The following EXOC6B variants were observed in gnomAD, a reference collection of about 807,000 sequenced individuals.
EXOC6B encodes the protein SEC15 homolog B.
A neutral mutation model predicts 113.5 loss-of-function variants in EXOC6B; 54 were observed. The ratio of observed to expected loss-of-function variants is 0.48; its 90% CI spans 0.38 to 0.60. EXOC6B has a LOEUF of 0.60. Ranked by LOEUF, EXOC6B falls within the 20% of genes least tolerant of loss-of-function variation. The pLI is 0.00. For missense variants in EXOC6B, 797 were observed against 977.5 expected, an observed-to-expected ratio of 0.82 and a Z score of 2.46; for synonymous variants, 357 against 339.0, an observed-to-expected ratio of 1.05 and a Z score of -0.58.
At chr2:72,239,931 C>T (rs1682198685) in intron 20 of EXOC6B, among the ~76,000 whole-genome samples, 1 of 151,560 alleles carries the variant, frequency 6.6e-6, no homozygotes, top group Non-Finnish European at 1.5e-5. Context: ...GTGAAGTTTT[C>T]TTCATTTCAT....
At position 72,529,426 on chromosome 2, in the gene EXOC6B, C is replaced by A. The variant is rs181279076; in HGVS notation, c.916-14300G>T. Among the ~76,000 whole-genome samples, 10 of 152,082 alleles carry A rather than the reference C, an allele frequency of 6.6e-5. No homozygotes were observed. The East Asian group carries it at 1.9e-3, about 29-fold the overall frequency. ...ACAAGGAATATTAATCTGTAGTTTCCTTTTCTATATTAATTTTACCTGGCT... is the reference window on the plus strand; with the variant it reads ...ACAAGGAATATTAATCTGTAGTTTCATTTTCTATATTAATTTTACCTGGCT... On this transcript the variant is annotated intron_variant, in intron 8 of 21. Transcript: ENST00000272427.
chr2:72,614,412 TATATGG>T (rs796820307), intron 6 of EXOC6B, among the ~76,000 whole-genome samples: 298 of 152,232 alleles, frequency 2.0e-3, no homozygotes, highest in African/African-American at 6.9e-3. Context: ...GAACAGCCTG[TATATGG>T]ATCTGGAGCT....
chr2:72,232,311 T>C (rs971594237), intron 20 of EXOC6B, among the ~76,000 whole-genome samples: 3 of 152,268 alleles, frequency 2.0e-5, no homozygotes, highest in South Asian at 2.1e-4. Context: ...AAACTGAGAA[T>C]ATTTAATACC....
rs1677853805 is a variant in EXOC6B, at chr2:72,178,194, A to G, written c.*1141T>C. Reference sequence around the variant, plus strand: ...GTTGGGCCAGAGGCAACAAGCCACAAGCCATGGTTGGCTCTGTCGACTTTA... The same window carrying G: ...GTTGGGCCAGAGGCAACAAGCCACAGGCCATGGTTGGCTCTGTCGACTTTA... On this transcript the variant is annotated 3_prime_UTR_variant, in exon 22 of 22. Coordinates refer to ENST00000272427, the MANE Select transcript of EXOC6B (RefSeq NM_015189.3). The G allele has an allele frequency of 6.6e-6, 1 of 152,230 alleles. No individual in the cohort carries two copies. The highest frequency in any genetic ancestry group is 2.1e-4 in the South Asian group (1 of 4,828). 9.4% of individuals were successfully genotyped at this position (152,230 alleles called of 1,614,324 possible).
At chr2:72,431,053 T>G (rs1695489535) in intron 18 of EXOC6B, among the ~76,000 whole-genome samples, 1 of 152,186 alleles carries the variant, frequency 6.6e-6, no homozygotes, top group Non-Finnish European at 1.5e-5. Flanking sequence ...GGGGGTTGCA[T>G]GTTATTATTA....
intron 1 of EXOC6B, among the ~76,000 whole-genome samples, chr2:72,745,385 T>C (rs1009875371): frequency 6.6e-6 from 1 of 152,134 alleles, no homozygotes; most frequent in Non-Finnish European, 1.5e-5. Context: ...ATGATTGTAA[T>C]ATTCTCTTTA....
intron 20 of EXOC6B, among the ~76,000 whole-genome samples, chr2:72,330,920 A>G (rs1480210136): frequency 1.3e-5 from 2 of 152,098 alleles, no homozygotes; most frequent in Non-Finnish European, 2.9e-5. Flanking sequence ...GAGATCACAG[A>G]GAGTAGAAAA....
intron 16 of EXOC6B, 82 bp downstream of exon 16, chr2:72,492,236 T>C (rs1258920530): frequency 1.5e-6 from 1 of 657,976 alleles, no homozygotes; most frequent in African/African-American, 1.8e-5. Context: ...TAGAAAGTTT[T>C]AACGAATTCA....
intron 18 of EXOC6B, among the ~76,000 whole-genome samples, chr2:72,388,583 A>C (rs1326986186): frequency 6.6e-6 from 1 of 152,140 alleles, no homozygotes; most frequent in African/African-American, 2.4e-5. Context: ...ATTGTTGTTC[A>C]AGTCTTCTAT....
At chr2:72,631,133 G>A (rs908096535) in intron 6 of EXOC6B, among the ~76,000 whole-genome samples, 4 of 151,860 alleles carry the variant, frequency 2.6e-5, no homozygotes, top group Non-Finnish European at 4.4e-5. Context: ...CACAGTTAAC[G>A]CTCACTGATA....
At chr2:72,395,209 T>C (rs1692645021) in intron 18 of EXOC6B, among the ~76,000 whole-genome samples, 1 of 152,164 alleles carries the variant, frequency 6.6e-6, no homozygotes, top group Non-Finnish European at 1.5e-5. Flanking sequence ...ATTCAAGACC[T>C]TTACAAACCT....
At chr2:72,501,352 T>C (rs1460895774) in intron 11 of EXOC6B, among the ~76,000 whole-genome samples, 4 of 152,092 alleles carry the variant, frequency 2.6e-5, no homozygotes, top group Non-Finnish European at 4.4e-5. Flanking sequence ...TCTCTCACAA[T>C]GTGACACACT....
intron 6 of EXOC6B, among the ~76,000 whole-genome samples, chr2:72,635,605 T>C (rs1416206052): frequency 6.6e-6 from 1 of 152,194 alleles, no homozygotes; most frequent in Non-Finnish European, 1.5e-5. Context: ...GCATATGGTT[T>C]CAATAGAGAA....
At chr2:72,325,912 T>G (rs1213185989) in intron 20 of EXOC6B, among the ~76,000 whole-genome samples, 1 of 152,062 alleles carries the variant, frequency 6.6e-6, no homozygotes, top group Non-Finnish European at 1.5e-5. Context: ...CAGGGATCCA[T>G]GCTTGTAACT....
intron 1 of EXOC6B, among the ~76,000 whole-genome samples, chr2:72,756,284 T>C (rs1682409018): frequency 6.6e-6 from 1 of 152,194 alleles, no homozygotes; most frequent in Non-Finnish European, 1.5e-5. Flanking sequence ...TTCATTACTT[T>C]ATTTTGGCCT....
intron 1 of EXOC6B, among the ~76,000 whole-genome samples, chr2:72,820,262 A>C (rs1236157691): frequency 6.6e-6 from 1 of 152,210 alleles, no homozygotes; most frequent in African/African-American, 2.4e-5. Context: ...TAATAATAAA[A>C]TATATAAGGC....
At chr2:72,715,754 T>C (rs1268472785) in intron 6 of EXOC6B, among the ~76,000 whole-genome samples, 2 of 152,002 alleles carry the variant, frequency 1.3e-5, no homozygotes, top group Non-Finnish European at 2.9e-5. Context: ...ATATTGGGGG[T>C]GGGAGGAGAC....
intron 8 of EXOC6B, among the ~76,000 whole-genome samples, chr2:72,552,301 C>T (rs766992687): frequency 1.3e-5 from 2 of 152,154 alleles, no homozygotes; most frequent in Non-Finnish European, 2.9e-5. Flanking sequence ...TTAATTACAA[C>T]TGTGAACTCC....
chr2:72,693,192 A>G (rs1349874855), intron 6 of EXOC6B, among the ~76,000 whole-genome samples: 2 of 152,210 alleles, frequency 1.3e-5, no homozygotes, highest in Non-Finnish European at 2.9e-5. Flanking sequence ...TTAACAAAAA[A>G]ATATAACACA....
Sources: gnomAD v4.1 joint callset for allele counts (sites outside exome capture counted in the v4.1 genomes callset) on GRCh38, gnomAD v4.1.1 for gene constraint, MANE v1.5 for transcripts, NCBI Gene and HGNC (gene_info 2026-07-23, HGNC 2026-07-21) for gene names.